The following SRGAP2C variants were observed in gnomAD, a reference collection of about 807,000 sequenced individuals.
The protein encoded by SRGAP2C is SLIT-ROBO Rho GTPase activating protein 2C.
SRGAP2C carries 15 observed loss-of-function variants against 25.1 expected under a neutral mutation model. That is an observed-to-expected ratio of 0.60 (90% CI 0.40 to 0.92). The LOEUF is 0.92. SRGAP2C is among the 40% of genes least tolerant of loss of function. The probability of loss-of-function intolerance (pLI) is 0.00; values close to 1 mark genes in which losing one functional copy is unlikely to be tolerated. For synonymous variants in SRGAP2C, 44 were observed against 96.6 expected, an observed-to-expected ratio of 0.46 and a Z score of 3.19; for missense variants, 144 against 264.4, an observed-to-expected ratio of 0.54 and a Z score of 3.16.
At chr1:121,211,515 A>T (rs1474572529) in intron 2 of SRGAP2C, among the ~76,000 whole-genome samples, 1 of 150,974 alleles carries the variant, frequency 6.6e-6, no homozygotes, top group East Asian at 2.0e-4. Flanking sequence ...TGTAATTTCT[A>T]TATATTTTAA....
At chr1:121,231,540 TA>T (rs1360095650) in intron 2 of SRGAP2C, among the ~76,000 whole-genome samples, 1 of 147,494 alleles carries the variant, frequency 6.8e-6, no homozygotes, top group Non-Finnish European at 1.5e-5. Flanking sequence ...TAGTTTTTCT[TA>T]GTATAATCCC....
At chr1:121,259,816 T>C (rs1273323801) in intron 2 of SRGAP2C, among the ~76,000 whole-genome samples, 19 of 149,516 alleles carry the variant, frequency 1.3e-4, no homozygotes, top group African/African-American at 4.6e-4. Context: ...AGTTGCTTTT[T>C]AAAATTTTTT....
At chr1:121,278,687 A>G in intron 2 of SRGAP2C, among the ~76,000 whole-genome samples, 1 of 148,696 alleles carries the variant, frequency 6.7e-6, no homozygotes, top group South Asian at 2.1e-4. Context: ...TCTGCAACTA[A>G]ATAGCTGTGT....
chr1:121,337,791 A>C (rs1289954057), intron 4 of SRGAP2C, among the ~76,000 whole-genome samples: 2 of 132,068 alleles, frequency 1.5e-5, no homozygotes, highest in Non-Finnish European at 3.2e-5. Flanking sequence ...CAAGCTGACT[A>C]GGTGTCAATT....
intron 5 of SRGAP2C, among the ~76,000 whole-genome samples, chr1:121,367,699 A>AG (rs1465161709): frequency 1.4e-5 from 2 of 142,054 alleles, no homozygotes; most frequent in African/African-American, 2.7e-5. Context: ...TCTATATCCT[A>AG]GGGGGTGGAG....
chr1:121,285,242 G>A (rs1196655634), intron 3 of SRGAP2C, among the ~76,000 whole-genome samples: 24 of 151,306 alleles, frequency 1.6e-4, no homozygotes, highest in South Asian at 6.3e-4. Context: ...CTGTTGCCAG[G>A]CATGTTACTA....
chr1:121,300,170 T>C (rs1657673245), intron 3 of SRGAP2C, among the ~76,000 whole-genome samples: 1 of 132,022 alleles, frequency 7.6e-6, no homozygotes, highest in Non-Finnish European at 1.6e-5. Flanking sequence ...TATTAGGCCA[T>C]TTTTTGCGAT....
chr1:121,305,121 C>T (rs1251352866), intron 3 of SRGAP2C, among the ~76,000 whole-genome samples: 5 of 148,512 alleles, frequency 3.4e-5, no homozygotes, highest in Non-Finnish European at 7.5e-5. Flanking sequence ...GAGACCCTTG[C>T]CAGTTTCTCC....
chr1:121,372,237 A>T (rs1485500296), intron 5 of SRGAP2C, among the ~76,000 whole-genome samples: 2 of 152,150 alleles, frequency 1.3e-5, no homozygotes, highest in African/African-American at 2.4e-5. Flanking sequence ...CCTCTAGCTG[A>T]TCGTAGGGCC....
At chr1:121,310,363 A>G in intron 3 of SRGAP2C, among the ~76,000 whole-genome samples, 1 of 126,954 alleles carries the variant, frequency 7.9e-6, no homozygotes, top group East Asian at 2.4e-4. Flanking sequence ...ATTTTCTCCC[A>G]TGTTGTAGGT....
chr1:121,202,403 C>T (rs1655006658), intron 2 of SRGAP2C, among the ~76,000 whole-genome samples: 1 of 149,820 alleles, frequency 6.7e-6, no homozygotes, highest in Admixed American at 6.6e-5. Flanking sequence ...ACCTGGCAGC[C>T]ATTTATTTAG....
intron 4 of SRGAP2C, among the ~76,000 whole-genome samples, chr1:121,339,384 C>A (rs1287160307): frequency 6.6e-6 from 1 of 151,284 alleles, no homozygotes; most frequent in Non-Finnish European, 1.5e-5. Context: ...CCCTAGTAGC[C>A]GGGATTACAG....
At chr1:121,263,621 C>T (rs1360527701) in intron 2 of SRGAP2C, among the ~76,000 whole-genome samples, 1 of 151,700 alleles carries the variant, frequency 6.6e-6, no homozygotes, top group African/African-American at 2.4e-5. Flanking sequence ...AGTTCACCAG[C>T]TCCAGGCTGA....
At chr1:121,345,879 G>C (rs1300684983) in intron 4 of SRGAP2C, among the ~76,000 whole-genome samples, 2 of 137,128 alleles carry the variant, frequency 1.5e-5, no homozygotes, top group Non-Finnish European at 3.1e-5. Flanking sequence ...TCGAACTCTT[G>C]ACTTCAGGTG....
intron 1 of SRGAP2C, among the ~76,000 whole-genome samples, chr1:121,186,390 A>G (rs61803100): frequency 4.2e-5 from 2 of 47,868 alleles, no homozygotes; most frequent in Non-Finnish European, 9.6e-5. Context: ...TGCCCCCCCC[A>G]CCCCATCAAC....
chr1:121,308,897 C>T lies in SRGAP2C; in HGVS notation c.261-15581C>T, dbSNP rs1553339779. Reference sequence around the variant, plus strand: ...GAGGTTGCGGTGAGCCGAGATCGCACCATTGCACTCTAGCCTGGACAACAA... The same window carrying T: ...GAGGTTGCGGTGAGCCGAGATCGCATCATTGCACTCTAGCCTGGACAACAA... On this transcript the variant is annotated intron_variant, in intron 3 of 9. Coordinates refer to ENST00000367123, the MANE Select transcript of SRGAP2C (RefSeq NM_001329984.2). Among the ~76,000 whole-genome samples the T allele has an allele frequency of 7.5e-3, 993 of 132,822 alleles. 11 individuals are homozygous for T. The highest frequency in any genetic ancestry group is 9.1e-3 in the Non-Finnish European group (576 of 63,120). 87.1% of individuals were successfully genotyped at this position (132,822 alleles called of 152,430 possible).
In SRGAP2C at chr1:121,323,700, A is replaced by G. The variant is rs1658259504; in HGVS notation, c.261-778A>G. ...CACTCAAGCTGTAGACATTTTAGGAACACATGTTCAGGTATGGTTTGTGTT... is the reference window on the plus strand; with the variant it reads ...CACTCAAGCTGTAGACATTTTAGGAGCACATGTTCAGGTATGGTTTGTGTT... On this transcript the variant is annotated intron_variant, in intron 3 of 9. Transcript: ENST00000367123. Among the ~76,000 whole-genome samples the G allele has an allele frequency of 2.1e-5, 3 of 140,124 alleles. No homozygotes were observed. In the Admixed American group the frequency reaches 2.2e-4, roughly 10 times the overall value. 91.9% of individuals were successfully genotyped at this position (140,124 alleles called of 152,430 possible).
At chr1:121,226,100 G>A (rs1655660228) in intron 2 of SRGAP2C, among the ~76,000 whole-genome samples, 1 of 151,864 alleles carries the variant, frequency 6.6e-6, no homozygotes, top group Non-Finnish European at 1.5e-5. Flanking sequence ...CTTTATGAAA[G>A]GGATCGGGTC....
intron 4 of SRGAP2C, among the ~76,000 whole-genome samples, chr1:121,336,510 C>A (rs1160125472): frequency 4.5e-5 from 5 of 111,094 alleles, no homozygotes; most frequent in Non-Finnish European, 9.3e-5. Context: ...TTCCTCTTTC[C>A]TTCTCCCTCT....
Sources: allele counts gnomAD v4.1 joint callset (sites outside exome capture counted in the v4.1 genomes callset), GRCh38; gene constraint gnomAD v4.1.1; transcripts MANE v1.5; gene names NCBI Gene and HGNC (gene_info 2026-07-23, HGNC 2026-07-21).